Variants in LHFPL3 observed in about 807,000 individuals in gnomAD.
The protein encoded by LHFPL3 is LHFPL tetraspan subfamily member 3 protein.
Under a neutral mutation model 19.3 loss-of-function variants are expected in LHFPL3, and 5 were observed. The observed-to-expected ratio is 0.26, with a 90% CI of 0.14 to 0.54. The LOEUF (loss-of-function observed/expected upper bound fraction) is 0.54. LHFPL3 is among the 20% of genes least tolerant of loss of function. The probability of loss-of-function intolerance (pLI) is 0.94; values close to 1 mark genes in which losing one functional copy is unlikely to be tolerated. For synonymous variants in LHFPL3, 133 were observed against 126.2 expected, an observed-to-expected ratio of 1.05 and a Z score of -0.36; for missense variants, 249 against 307.4, an observed-to-expected ratio of 0.81 and a Z score of 1.42.
intron 1 of LHFPL3, among the ~76,000 whole-genome samples, chr7:104,329,478 C>G (rs1801530221): frequency 6.6e-6 from 1 of 152,258 alleles, no homozygotes; most frequent in Non-Finnish European, 1.5e-5. Flanking sequence ...CAGAGGGACG[C>G]CCCGGAGGCA....
chr7:104,385,202 C>A (rs1790914600), intron 1 of LHFPL3, among the ~76,000 whole-genome samples: 1 of 152,102 alleles, frequency 6.6e-6, no homozygotes, highest in Non-Finnish European at 1.5e-5. Flanking sequence ...AGCCCAATAC[C>A]ATTAAACATT....
At chr7:104,862,070 C>T (rs974309734) in intron 2 of LHFPL3, among the ~76,000 whole-genome samples, 1 of 152,108 alleles carries the variant, frequency 6.6e-6, no homozygotes, top group Non-Finnish European at 1.5e-5. Context: ...ACACCATCTT[C>T]CAGCAATTTG....
chr7:104,739,130 A>G (rs1793884192), intron 2 of LHFPL3: 1 of 149,752 alleles, frequency 6.7e-6, no homozygotes, highest in African/African-American at 2.5e-5. Flanking sequence ...TATTGTAGGG[A>G]ATATCAGACC....
At chr7:104,526,320 A>G (rs1028231629) in intron 1 of LHFPL3, among the ~76,000 whole-genome samples, 2 of 152,238 alleles carry the variant, frequency 1.3e-5, no homozygotes, top group African/African-American at 2.4e-5. Flanking sequence ...CAAGAGCCTC[A>G]TCTAGGACTT....
intron 2 of LHFPL3, among the ~76,000 whole-genome samples, chr7:104,763,868 C>T (rs1280444996): frequency 6.6e-6 from 1 of 152,236 alleles, no homozygotes. Context: ...TCCTGCATTA[C>T]ATCCCTTTCT....
intron 1 of LHFPL3, among the ~76,000 whole-genome samples, chr7:104,573,168 T>G (rs1790259716): frequency 6.6e-6 from 1 of 152,110 alleles, no homozygotes; most frequent in African/African-American, 2.4e-5. Flanking sequence ...ATCCCAGCAC[T>G]TTGGGAGGCC....
intron 1 of LHFPL3, among the ~76,000 whole-genome samples, chr7:104,385,010 C>A (rs374974330): frequency 6.6e-6 from 1 of 151,910 alleles, no homozygotes; most frequent in Non-Finnish European, 1.5e-5. Context: ...TTCCCCAATC[C>A]GAAGAAATTG....
chr7:104,601,615 C>G (rs1790969131), intron 1 of LHFPL3, among the ~76,000 whole-genome samples: 1 of 152,178 alleles, frequency 6.6e-6, no homozygotes, highest in Non-Finnish European at 1.5e-5. Flanking sequence ...GCCAGAGCAG[C>G]CAGCCACACA....
chr7:104,447,318 G>C (rs914670045), intron 1 of LHFPL3, among the ~76,000 whole-genome samples: 6 of 152,092 alleles, frequency 3.9e-5, no homozygotes, highest in African/African-American at 1.4e-4. Context: ...AAATTTTTAA[G>C]TATCTCTCCC....
At chr7:104,846,260 G>A (rs4073643) in intron 2 of LHFPL3, among the ~76,000 whole-genome samples, 29,106 of 152,136 alleles carry the variant, frequency 0.19, 3,049 homozygotes, top group East Asian at 0.31. Flanking sequence ...CCCTAACAGC[G>A]TACCTGGAAC....
chr7:104,692,606 C>T (rs1057248793), intron 1 of LHFPL3, among the ~76,000 whole-genome samples: 2 of 152,230 alleles, frequency 1.3e-5, no homozygotes, highest in Non-Finnish European at 2.9e-5. Context: ...CAACGTACAG[C>T]TCAGGTCATT....
chr7:104,469,012 C>T (rs919937914), intron 1 of LHFPL3, among the ~76,000 whole-genome samples: 7 of 152,122 alleles, frequency 4.6e-5, no homozygotes, highest in African/African-American at 1.7e-4. Context: ...GGGAAGAGAG[C>T]TTTGATTCAC....
intron 2 of LHFPL3, among the ~76,000 whole-genome samples, chr7:104,847,371 C>T (rs1449439821): frequency 1.3e-5 from 2 of 152,220 alleles, no homozygotes; most frequent in African/African-American, 2.4e-5. Flanking sequence ...TAGAAACCCA[C>T]ATATGCCAGC....
chr7:104,555,595 A>G (rs1584398298), intron 1 of LHFPL3, among the ~76,000 whole-genome samples: 1 of 152,214 alleles, frequency 6.6e-6, no homozygotes, highest in East Asian at 1.9e-4. Context: ...TCCTCCCACA[A>G]CATGTGAGAA....
intron 1 of LHFPL3, among the ~76,000 whole-genome samples, chr7:104,513,034 A>T (rs1052867388): frequency 9.2e-5 from 14 of 152,130 alleles, no homozygotes; most frequent in Non-Finnish European, 1.9e-4. Context: ...AAGACACAAA[A>T]CTTGTTTCCT....
chr7:104,705,456 C>T (rs1351894846), intron 1 of LHFPL3, among the ~76,000 whole-genome samples: 3 of 152,142 alleles, frequency 2.0e-5, no homozygotes, highest in African/African-American at 7.2e-5. Flanking sequence ...TCTAGGAAGG[C>T]TGGTGTATTC....
intron 2 of LHFPL3, chr7:104,769,021 C>T (rs760850597): frequency 6.6e-6 from 1 of 152,194 alleles, no homozygotes; most frequent in East Asian, 1.9e-4. Context: ...TTCCCTCTGT[C>T]ATTGGGGAAA....
At chr7:104,485,700 A>T (rs1793222979) in intron 1 of LHFPL3, among the ~76,000 whole-genome samples, 1 of 152,128 alleles carries the variant, frequency 6.6e-6, no homozygotes, top group African/African-American at 2.4e-5. Flanking sequence ...TACATGTGCC[A>T]TGTTGGTTTG....
chr7:104,356,079 TGA>T (rs1243739630), intron 1 of LHFPL3, among the ~76,000 whole-genome samples: 1 of 152,162 alleles, frequency 6.6e-6, no homozygotes, highest in Non-Finnish European at 1.5e-5. Context: ...ATCAGTGAAA[TGA>T]TTGTATTAGG....
Sources: allele counts gnomAD v4.1 joint callset (sites outside exome capture counted in the v4.1 genomes callset), GRCh38; gene constraint gnomAD v4.1.1; transcripts MANE v1.5; gene names NCBI Gene and HGNC (gene_info 2026-07-23, HGNC 2026-07-21).